The following NKD1 variants were observed in gnomAD, a reference collection of about 807,000 sequenced individuals.
NKD1 encodes the protein NKD inhibitor of Wnt signaling pathway 1, also known as protein naked cuticle homolog 1.
In NKD1, 21 loss-of-function variants were observed where a neutral mutation model predicts 56.0. The ratio of observed to expected loss-of-function variants is 0.38; its 90% CI spans 0.27 to 0.54. The LOEUF (loss-of-function observed/expected upper bound fraction) is 0.54. NKD1 is among the 20% of genes least tolerant of loss of function. The probability of loss-of-function intolerance (pLI) is 0.82; values close to 1 mark genes in which losing one functional copy is unlikely to be tolerated. For missense variants in NKD1, 578 were observed against 642.7 expected, an observed-to-expected ratio of 0.90 and a Z score of 1.09; for synonymous variants, 263 against 265.7, an observed-to-expected ratio of 0.99 and a Z score of 0.10.
At chr16:50,569,981 T>TGCA (rs1433133795) in intron 3 of NKD1, among the ~76,000 whole-genome samples, 4 of 152,214 alleles carry the variant, frequency 2.6e-5, no homozygotes, top group Non-Finnish European at 4.4e-5. Context: ...TCTGTCGTGA[T>TGCA]GCAGCCACTG....
chr16:50,631,923 C>T (rs1476204721), intron 8 of NKD1, among the ~76,000 whole-genome samples: 1 of 152,224 alleles, frequency 6.6e-6, no homozygotes. Context: ...GGGGTTAGGC[C>T]GCCTACCTGC....
intron 4 of NKD1, among the ~76,000 whole-genome samples, chr16:50,616,469 C>G (rs1961962507): frequency 6.6e-6 from 1 of 152,170 alleles, no homozygotes; most frequent in Non-Finnish European, 1.5e-5. Flanking sequence ...ATGGCACTTC[C>G]CAGTCTCCAT....
At chr16:50,576,636 C>T (rs1248239098) in intron 3 of NKD1, among the ~76,000 whole-genome samples, 2 of 151,646 alleles carry the variant, frequency 1.3e-5, no homozygotes, top group Non-Finnish European at 2.9e-5. Flanking sequence ...ATGCCTGTGG[C>T]TTTTACGGTG....
chr16:50,612,761 G>A (rs540530581), intron 4 of NKD1, among the ~76,000 whole-genome samples: 7 of 152,314 alleles, frequency 4.6e-5, no homozygotes, highest in African/African-American at 1.4e-4. Context: ...AAAGGAGGCC[G>A]ATGTGGCATC....
At chr16:50,611,422 T>C (rs1293110710) in intron 4 of NKD1, among the ~76,000 whole-genome samples, 2 of 147,122 alleles carry the variant, frequency 1.4e-5, no homozygotes, top group Non-Finnish European at 2.9e-5. Context: ...CCCCTCCTCC[T>C]CGGGACCAGG....
intron 4 of NKD1, chr16:50,616,092 C>A (rs142020416): frequency 4.4e-6 from 2 of 455,784 alleles, no homozygotes; most frequent in Non-Finnish European, 4.4e-6. Context: ...GGCAAGCAAC[C>A]CTGAGACTAA....
At chr16:50,606,646 C>A in intron 3 of NKD1, 2 of 401,104 alleles carry the variant, frequency 5.0e-6, no homozygotes, top group African/African-American at 2.1e-5. Flanking sequence ...TAAACTCTTC[C>A]AAGTGTGCCA....
intron 6 of NKD1, among the ~76,000 whole-genome samples, chr16:50,628,059 C>T (rs550991064): frequency 6.6e-6 from 1 of 152,220 alleles, no homozygotes; most frequent in Admixed American, 6.5e-5. Context: ...GGGATCCCTC[C>T]CCGAGATGAG....
At chr16:50,593,833 T>A (rs1213650643) in intron 3 of NKD1, among the ~76,000 whole-genome samples, 1 of 152,234 alleles carries the variant, frequency 6.6e-6, no homozygotes, top group Non-Finnish European at 1.5e-5. Flanking sequence ...TGTTATCTGA[T>A]ATTCAAACTT....
At chr16:50,574,141 C>T (rs1960943179) in intron 3 of NKD1, 1 of 918,588 alleles carries the variant, frequency 1.1e-6, no homozygotes, top group Non-Finnish European at 1.3e-6. Flanking sequence ...GGTGATAGAA[C>T]TTGATGCTGG....
chr16:50,568,519 C>T (rs1317867283), intron 3 of NKD1, among the ~76,000 whole-genome samples: 1 of 152,200 alleles, frequency 6.6e-6, no homozygotes, highest in Non-Finnish European at 1.5e-5. Flanking sequence ...AGCGCTTCCT[C>T]ATTTATTCAG....
At position 50,643,492 on chromosome 16, in the gene NKD1, G is replaced by C. The variant is rs1028697250; in HGVS notation, c.*9711G>C. 4 of 152,276 alleles carry C rather than the reference G, an allele frequency of 2.6e-5. No homozygotes were observed. Among genetic ancestry groups the C allele is most frequent in the African/African-American group, 9.6e-5 (4 of 41,458 alleles). The allele number at this position is 152,276 out of a possible 1,614,324, so 9.4% of individuals were successfully genotyped here. A position where few individuals can be genotyped will look rare whatever the true frequency, so the allele number is the denominator to read the frequency against. ...AAGGGGAGCTGGGGCTGCTGGTGTG[G>C]CCGAGACCTCAGCCTCAGCAAGATG... On this transcript the variant is annotated 3_prime_UTR_variant, in exon 10 of 10. Transcript: ENST00000268459.
At position 50,642,792 on chromosome 16, in the gene NKD1, A is replaced by C. The variant is rs1000229103; in HGVS notation, c.*9011A>C. On this transcript the variant is annotated 3_prime_UTR_variant, in exon 10 of 10. Transcript: ENST00000268459. Reference sequence around the variant, plus strand: ...CCTCCACCCCGGCTGCAGAGCCCCCAGTGAGACAGCTGCTGTGGCATGCTG... The same window carrying C: ...CCTCCACCCCGGCTGCAGAGCCCCCCGTGAGACAGCTGCTGTGGCATGCTG... 4.1e-4 allele frequency: 62 copies of C among 152,298 alleles called. No homozygotes were observed. Among genetic ancestry groups the C allele is most frequent in the African/African-American group, 1.5e-3 (61 of 41,460 alleles). The allele number at this position is 152,298 out of a possible 1,614,324, so 9.4% of individuals were successfully genotyped here.
In NKD1 at chr16:50,630,332, T is replaced by C; in HGVS notation, c.609T>C (p.Ala203=). Residue 203 remains alanine, a splice_region_variant and synonymous_variant, in exon 7 of 10, where the codon GCT becomes GCC. Coordinates refer to ENST00000268459, the MANE Select transcript of NKD1 (RefSeq NM_033119.5). Reference sequence around the variant, plus strand: ...AGAGGAGCGTCCTTGTCAATCAGGCTGGTGAGGGCTGCAGGGCTGAGCCTG... The same window carrying C: ...AGAGGAGCGTCCTTGTCAATCAGGCCGGTGAGGGCTGCAGGGCTGAGCCTG... ...QSKRSVLVNQ[A]DLQSARPRAE... 1 of 1,614,032 alleles carries C rather than the reference T, an allele frequency of 6.2e-7. No homozygotes were observed. Among genetic ancestry groups the C allele is most frequent in the Non-Finnish European group, 8.5e-7 (1 of 1,179,968 alleles).
chr16:50,634,042 C>A lies in NKD1; in HGVS notation c.*261C>A. The A allele has an allele frequency of 3.0e-6, 1 of 338,442 alleles. No individual in the cohort carries two copies. Among genetic ancestry groups the A allele is most frequent in the Admixed American group, 4.7e-5 (1 of 21,200 alleles). The allele number at this position is 338,442 out of a possible 1,614,324, so 21.0% of individuals were successfully genotyped here. A position where few individuals can be genotyped will look rare whatever the true frequency, so the allele number is the denominator to read the frequency against. Reference sequence around the variant, plus strand: ...GTGGCCTGTAATGGGCAGAGGCTCCCTCGGGGCTCGGGATCTGCAGCATCT... The same window carrying A: ...GTGGCCTGTAATGGGCAGAGGCTCCATCGGGGCTCGGGATCTGCAGCATCT... On this transcript the variant is annotated 3_prime_UTR_variant, in exon 10 of 10. Transcript: ENST00000268459.
At chr16:50,574,105 T>C (rs4785438) in intron 3 of NKD1, 407,710 of 812,266 alleles carry the variant, frequency 0.5, 105,512 homozygotes, top group African/African-American at 0.69. Context: ...TGGCAGAATG[T>C]CTTCTTCCTA....
rs1031523290 is a variant in NKD1 at position 50,637,898 on chromosome 16, GCAGA to G, written c.*4121_*4124del. ...GTACCGAGGACTGGGTGTGTTTAAG[GCAGA>G]CAGCCAGGTGAGGATCCCAGCTACT... On this transcript the variant is annotated 3_prime_UTR_variant, in exon 10 of 10. Coordinates refer to ENST00000268459, the MANE Select transcript of NKD1 (RefSeq NM_033119.5). The G allele has an allele frequency of 6.6e-6, 1 of 152,178 alleles. No individual in the cohort carries two copies. The highest frequency in any genetic ancestry group is 1.5e-5 in the Non-Finnish European group (1 of 68,058). The allele number at this position is 152,178 out of a possible 1,614,324, so 9.4% of individuals were successfully genotyped here.
intron 3 of NKD1, among the ~76,000 whole-genome samples, chr16:50,576,629 C>T (rs1960999652): frequency 6.6e-6 from 1 of 151,988 alleles, no homozygotes; most frequent in African/African-American, 2.4e-5. Flanking sequence ...TGTGGGTATG[C>T]CTGTGGCTTT....
intron 3 of NKD1, among the ~76,000 whole-genome samples, chr16:50,587,490 G>A (rs745814859): frequency 2.0e-4 from 31 of 152,318 alleles, no homozygotes; most frequent in Middle Eastern, 3.4e-3. Context: ...CATTATCTAG[G>A]CTTTCCACGT....
Sources: allele counts gnomAD v4.1 joint callset (sites outside exome capture counted in the v4.1 genomes callset), GRCh38; gene constraint gnomAD v4.1.1; transcripts MANE v1.5; gene names NCBI Gene and HGNC (gene_info 2026-07-23, HGNC 2026-07-21).